The following MEI4 variants were observed in gnomAD, a reference collection of about 807,000 sequenced individuals.
MEI4 encodes meiotic double-stranded break formation protein 4.
In MEI4, 27 loss-of-function variants were observed where a neutral mutation model predicts 31.4. The observed-to-expected ratio is 0.86, with a 90% CI of 0.63 to 1.19. The LOEUF (loss-of-function observed/expected upper bound fraction) is 1.19. MEI4 is among the 50% of genes most tolerant of loss of function. The pLI is 0.00. For synonymous variants in MEI4, 122 were observed against 145.4 expected, an observed-to-expected ratio of 0.84 and a Z score of 1.16; for missense variants, 329 against 398.9, an observed-to-expected ratio of 0.82 and a Z score of 1.49.
chr6:77,891,397 T>G (rs1261347315), intron 4 of MEI4, among the ~76,000 whole-genome samples: 2 of 152,172 alleles, frequency 1.3e-5, no homozygotes, highest in Non-Finnish European at 2.9e-5. Context: ...TTATGAAGTC[T>G]ATTGTTGAAG....
intron 2 of MEI4, among the ~76,000 whole-genome samples, chr6:77,729,201 T>G (rs146479497): frequency 6.6e-6 from 1 of 152,166 alleles, no homozygotes; most frequent in Non-Finnish European, 1.5e-5. Flanking sequence ...TTCTCTGCTA[T>G]CCAAAGAATA....
At chr6:77,903,270 C>T (rs988436078) in intron 4 of MEI4, among the ~76,000 whole-genome samples, 1 of 152,096 alleles carries the variant, frequency 6.6e-6, no homozygotes, top group Non-Finnish European at 1.5e-5. Context: ...AATGCACAAT[C>T]AGCACAAACA....
intron 2 of MEI4, among the ~76,000 whole-genome samples, chr6:77,730,148 G>A (rs1169535324): frequency 1.3e-5 from 2 of 152,074 alleles, no homozygotes; most frequent in East Asian, 1.9e-4. Context: ...GGGGCTAGAC[G>A]GTGGAGAGAG....
chr6:77,768,060 A>G (rs1395939134), intron 3 of MEI4, among the ~76,000 whole-genome samples: 5 of 152,172 alleles, frequency 3.3e-5, no homozygotes, highest in African/African-American at 1.2e-4. Context: ...ACTCTGTGTC[A>G]TGGTTGTTAT....
rs376276135 is a variant in MEI4 at position 77,735,366 on chromosome 6, T to C, written c.233-25764T>C. 2.4e-4 allele frequency among the ~76,000 whole-genome samples: 37 copies of C among 151,986 alleles called. 1 individual carries two copies. The South Asian group carries it at 3.5e-3, about 14-fold the overall frequency. ...TCTTTTTTCTCTAAACTTCCCTTCT[T>C]GCTTCATTTCATTCATTTCATCTTC... On this transcript the variant is annotated intron_variant, in intron 2 of 4. Coordinates refer to ENST00000684080, the MANE Select transcript of MEI4 (RefSeq NM_001322247.2).
At position 77,753,352 on chromosome 6, in the gene MEI4, A is replaced by G. The variant is rs572512900; in HGVS notation, c.233-7778A>G. 1.7e-4 allele frequency among the ~76,000 whole-genome samples: 26 copies of G among 152,282 alleles called. No individual in the cohort carries two copies. The East Asian group carries it at 5.0e-3, about 29-fold the overall frequency. ...GGGAGAAAAGTTTTACAATCTATCC[A>G]TCTGACAAAGGGCTAATATCCAGAA... On this transcript the variant is annotated intron_variant, in intron 2 of 4. Coordinates refer to ENST00000684080, the MANE Select transcript of MEI4 (RefSeq NM_001322247.2).
chr6:77,912,436 T>A (rs1427308836), intron 4 of MEI4, among the ~76,000 whole-genome samples: 2 of 152,140 alleles, frequency 1.3e-5, no homozygotes, highest in African/African-American at 4.8e-5. Flanking sequence ...TGTTAATTAT[T>A]CCTATCCATG....
intron 3 of MEI4, among the ~76,000 whole-genome samples, chr6:77,811,162 G>A (rs79055634): frequency 0.014 from 2,193 of 152,168 alleles, 55 homozygotes; most frequent in African/African-American, 0.05. Flanking sequence ...TTACTAGTTT[G>A]GCATGTAGTT....
At chr6:77,731,009 T>C (rs888695771) in intron 2 of MEI4, among the ~76,000 whole-genome samples, 1 of 151,908 alleles carries the variant, frequency 6.6e-6, no homozygotes, top group South Asian at 2.1e-4. Context: ...TGCCACATTT[T>C]CTTAATCCAG....
intron 4 of MEI4, among the ~76,000 whole-genome samples, chr6:77,830,909 T>C (rs1770063372): frequency 6.6e-6 from 1 of 151,684 alleles, no homozygotes; most frequent in Non-Finnish European, 1.5e-5. Flanking sequence ...AATGAGAATA[T>C]ATCAAGGCAA....
intron 4 of MEI4, among the ~76,000 whole-genome samples, chr6:77,909,068 C>A (rs13204953): frequency 0.032 from 4,797 of 151,976 alleles, 251 homozygotes; most frequent in African/African-American, 0.11. Flanking sequence ...CAGCACCACA[C>A]CACACCTATT....
At chr6:77,742,272 T>A (rs111778828) in intron 2 of MEI4, among the ~76,000 whole-genome samples, 22,194 of 151,060 alleles carry the variant, frequency 0.15, 1,733 homozygotes, top group East Asian at 0.26. Flanking sequence ...CCACATCCTC[T>A]CCAGCACCTG....
At chr6:77,763,174 A>G (rs904085032) in intron 3 of MEI4, among the ~76,000 whole-genome samples, 1 of 152,112 alleles carries the variant, frequency 6.6e-6, no homozygotes, top group Non-Finnish European at 1.5e-5. Flanking sequence ...TAAACTACAC[A>G]TAAACTTGTG....
chr6:77,847,146 A>C lies in MEI4; in HGVS notation c.900+18084A>C, dbSNP rs1232367010. On this transcript the variant is annotated intron_variant, in intron 4 of 4. Transcript: ENST00000684080. This position sits in a 1 kb window ranked among gnomAD's most constrained non-coding sequence, Gnocchi z 4.6. Reference sequence around the variant, plus strand: ...AATGAAAAATTGAAAATGAGTTTAAATAAAAGATTCAGTGGTACTTTCTCT... The same window carrying C: ...AATGAAAAATTGAAAATGAGTTTAACTAAAAGATTCAGTGGTACTTTCTCT... 6.6e-6 allele frequency among the ~76,000 whole-genome samples: 1 copy of C among 152,144 alleles called. No homozygotes were observed. The highest frequency in any genetic ancestry group is 1.5e-5 in the Non-Finnish European group (1 of 68,020).
intron 3 of MEI4, among the ~76,000 whole-genome samples, chr6:77,775,096 T>C (rs1378566537): frequency 6.6e-6 from 1 of 152,082 alleles, no homozygotes; most frequent in East Asian, 1.9e-4. Context: ...TACAAGAATA[T>C]TTGCGACGGC....
chr6:77,736,928 A>C (rs1244876593), intron 2 of MEI4, among the ~76,000 whole-genome samples: 1 of 152,154 alleles, frequency 6.6e-6, no homozygotes, highest in East Asian at 1.9e-4. Context: ...TATGGGTACT[A>C]GGCTATTTCA....
At chr6:77,874,976 T>C (rs1333127789) in intron 4 of MEI4, among the ~76,000 whole-genome samples, 1 of 152,224 alleles carries the variant, frequency 6.6e-6, no homozygotes, top group African/African-American at 2.4e-5. Context: ...TTAGTTTCCT[T>C]ACTTTTAAAA....
chr6:77,768,714 A>T (rs1010537365), intron 3 of MEI4, among the ~76,000 whole-genome samples: 1 of 151,912 alleles, frequency 6.6e-6, no homozygotes, highest in Non-Finnish European at 1.5e-5. Flanking sequence ...AAAAAAAAAA[A>T]ATTACAGACA....
Position 77,916,993 on chromosome 6 carries a change from T to A in MEI4, c.901-6096T>A, listed in dbSNP as rs532515218. Among the ~76,000 whole-genome samples, 1,244 of 149,996 alleles carry A rather than the reference T, an allele frequency of 8.3e-3. 15 individuals are homozygous for A. Among genetic ancestry groups the A allele is most frequent in the African/African-American group, 0.028 (1,125 of 40,778 alleles). On this transcript the variant is annotated intron_variant, in intron 4 of 4. Coordinates refer to ENST00000684080, the MANE Select transcript of MEI4 (RefSeq NM_001322247.2). ...TGTCCGTGTGATCTCATTGTTCAAT[T>A]CCCACCTATGAGTGAGAATATGCGG...
Sources: gnomAD v4.1 joint callset for allele counts (sites outside exome capture counted in the v4.1 genomes callset) on GRCh38, gnomAD v4.1.1 for gene constraint, Gnocchi (gnomAD v3.1) non-coding constraint, MANE v1.5 for transcripts, NCBI Gene and HGNC (gene_info 2026-07-23, HGNC 2026-07-21) for gene names.